The following EI24 variants were observed in gnomAD, a reference collection of about 807,000 sequenced individuals.
EI24 encodes the protein EI24 autophagy associated transmembrane protein, also known as etoposide-induced protein 2.4 homolog.
A neutral mutation model predicts 48.6 loss-of-function variants in EI24; 21 were observed. The ratio of observed to expected loss-of-function variants is 0.43; its 90% confidence interval spans 0.31 to 0.62. The LOEUF (loss-of-function observed/expected upper bound fraction) is 0.62. Ranked by LOEUF, EI24 falls within the 20% of genes least tolerant of loss-of-function variation. EI24 has a pLI of 0.10. For synonymous variants in EI24, 114 were observed against 145.5 expected (o/e 0.78, Z 1.56); for missense variants, 280 against 410.5 (o/e 0.68, Z 2.75).
At position 125,569,507 on chromosome 11, in the gene EI24, G is replaced by A. The variant is rs1938444546; in HGVS notation, c.-137G>A. On this transcript the variant is annotated 5_prime_UTR_variant, in exon 1 of 11. Coordinates refer to ENST00000278903, the MANE Select transcript of EI24 (RefSeq NM_004879.5). ...GGGCGCAGCGGCCCCGGCCCTGGAA[G>A]CGCCCCGGCGGAGCTGGCCTGCGGT... 4 of 384,172 alleles carry A rather than the reference G, an allele frequency of 1.0e-5. No homozygotes were observed. The highest frequency in any genetic ancestry group is 1.8e-5 in the Non-Finnish European group (4 of 216,822). The allele number at this position is 384,172 out of a possible 1,614,324, so 23.8% of individuals were successfully genotyped here.
At chr11:125,577,420 T>C in intron 4 of EI24, 84 bp from the exon 5 acceptor site, 2 of 1,332,182 alleles carry the variant, frequency 1.5e-6, no homozygotes, top group Non-Finnish European at 2.1e-6. Flanking sequence ...GTCACTCCCA[T>C]CTATAAAATC....
chr11:125,575,476 T>G, intron 3 of EI24, 68 bp downstream of exon 3: 3 of 1,411,894 alleles, frequency 2.1e-6, no homozygotes. Context: ...ACTTGATGTT[T>G]CAGTGCCATT....
intron 9 of EI24, among the ~76,000 whole-genome samples, chr11:125,581,568 A>T (rs2135872741): frequency 1.5e-5 from 1 of 65,058 alleles, no homozygotes; most frequent in Non-Finnish European, 2.8e-5. Flanking sequence ...TTTTTTTGAG[A>T]CAGAGTCTCA....
intron 2 of EI24, 114 bp from the exon 3 acceptor site, chr11:125,575,149 C>A: frequency 1.1e-6 from 1 of 937,946 alleles, no homozygotes; most frequent in Non-Finnish European, 1.5e-6. Flanking sequence ...ATCATTTGAA[C>A]CCAGGAGTTG....
rs1939106455 is a variant in EI24 at position 125,583,682 on chromosome 11, G to A, written c.1022G>A (p.Ter341=). Residue 341 remains the stop codon, a stop_retained_variant, in exon 11 of 11, where the codon TGA becomes TAA. Transcript: ENST00000278903. ...AAACTGAAGGCTACTGCAGGTCACT[G>A]AGTTGCCTGCCATCCAAAGGGGATG... is the stretch of plus-strand genomic sequence containing the variant. ...PAKLKATAGH[*] is the part of the protein sequence containing the mutation. The A allele has an allele frequency of 6.2e-7, 1 of 1,611,688 alleles. No individual in the cohort carries two copies. Among genetic ancestry groups the A allele is most frequent in the Admixed American group, 1.7e-5 (1 of 59,648 alleles).
intron 8 of EI24, 35 bp downstream of exon 8, chr11:125,580,239 C>T (rs1324482022): frequency 4.7e-6 from 7 of 1,486,226 alleles, no homozygotes; most frequent in African/African-American, 4.2e-5. Context: ...AAAATGGAGG[C>T]CCAGTTTGGA....
intron 5 of EI24, 109 bp from the exon 6 acceptor site, chr11:125,578,024 C>A: frequency 7.5e-7 from 1 of 1,339,424 alleles, no homozygotes; most frequent in Non-Finnish European, 1.0e-6. Context: ...CTGGCAAGAA[C>A]TAGAAAGATC....
chr11:125,578,187 C>G lies in EI24; in HGVS notation c.371C>G (p.Ser124Ter). The G allele has an allele frequency of 3.1e-6, 5 of 1,613,960 alleles. No homozygotes were observed. Among genetic ancestry groups the G allele is most frequent in the Non-Finnish European group, 4.2e-6 (5 of 1,179,896 alleles). ...TCGTGGCTGGAATTCTTCCTCACGT[C>G]AATTTTCAGTGCTCTTTGGGTGCTC... The part of the protein sequence containing the change: ...VWSWLEFFLT[S>*]IFSALWVLPL... The change falls in exon 6 of 11, where the codon TCA becomes TGA. Residue 124 changes from serine (S) to a stop codon, truncating the protein, a stop_gained. Transcript: ENST00000278903. LOFTEE classifies it high-confidence loss of function.
At chr11:125,581,077 AAATAATAATAATAAT>A (rs145007951) in intron 8 of EI24, 119 bp from the exon 9 acceptor site, 3 of 193,388 alleles carry the variant, frequency 1.6e-5, no homozygotes, top group African/African-American at 2.5e-5. Flanking sequence ...ACTCCATCTC[AAATAATAATAATAAT>A]AATAATAATA....
rs1938569352 is a variant in EI24, at chr11:125,572,514, TTGG to T, written c.-8_-6del. 1 of 1,613,568 alleles carries T rather than the reference TTGG, an allele frequency of 6.2e-7. No homozygotes were observed. On this transcript the variant is annotated 5_prime_UTR_variant, in exon 2 of 11. Transcript: ENST00000278903. ...CTCTCTCCTGTGTGTAGTTGATAGTTTGGTGGTGAAGAGATGGCTGACAGTGTC... is the reference window on the plus strand; with the variant it reads ...CTCTCTCCTGTGTGTAGTTGATAGTTTGGTGAAGAGATGGCTGACAGTGTC...
intron 1 of EI24, 64 bp from the exon 2 acceptor site, chr11:125,572,394 T>C: frequency 1.3e-6 from 1 of 774,424 alleles, no homozygotes; most frequent in Non-Finnish European, 2.2e-6. Flanking sequence ...CATGTGGAAA[T>C]GTGCATGAAG....
rs777575493 is a variant in EI24, at chr11:125,575,337, G to A, written c.117G>A (p.Glu39=). The A allele has an allele frequency of 1.9e-6, 3 of 1,577,322 alleles. No homozygotes were observed. The highest frequency in any genetic ancestry group is 2.6e-6 in the Non-Finnish European group (3 of 1,161,656). The part of the protein sequence containing the change: ...LDARIQQKRE[E]QRRRRASSVL... Reference sequence around the variant, plus strand: ...CTCGAATCCAGCAAAAGAGAGAGGAGCAGCGTCGAAGAAGGGCAAGTAGTG... The same window carrying A: ...CTCGAATCCAGCAAAAGAGAGAGGAACAGCGTCGAAGAAGGGCAAGTAGTG... Residue 39 remains glutamate, a synonymous_variant, in exon 3 of 11, where the codon GAG becomes GAA. Coordinates refer to ENST00000278903, the MANE Select transcript of EI24 (RefSeq NM_004879.5).
At chr11:125,577,825 A>G in intron 5 of EI24, 1 of 562,242 alleles carries the variant, frequency 1.8e-6, no homozygotes, top group South Asian at 2.6e-5. Context: ...TAAGAGGCAA[A>G]GCTGAGATTT....
intron 9 of EI24, among the ~76,000 whole-genome samples, 183 bp downstream of exon 9, chr11:125,581,505 C>G (rs913819895): frequency 1.2e-5 from 1 of 80,806 alleles, no homozygotes; most frequent in African/African-American, 4.6e-5. Flanking sequence ...ATCCCATATT[C>G]TTTTTCTATG....
chr11:125,576,032 C>G (rs1171651047), intron 3 of EI24: 4 of 525,082 alleles, frequency 7.6e-6, no homozygotes, highest in Non-Finnish European at 1.0e-5. Context: ...CTCAGTTGAT[C>G]GCCTACCACG....
chr11:125,570,850 C>A (rs900211693), intron 1 of EI24, among the ~76,000 whole-genome samples: 4 of 152,118 alleles, frequency 2.6e-5, no homozygotes, highest in Admixed American at 1.3e-4. Flanking sequence ...TATCACTGAG[C>A]CTTTGCTAGT....
Position 125,584,085 on chromosome 11 carries a change from A to G in EI24, c.*402A>G. On this transcript the variant is annotated 3_prime_UTR_variant, in exon 11 of 11. Transcript: ENST00000278903. Reference sequence around the variant, plus strand: ...AGCTGTTGTATTTTGTGAATTTGTTAATTTTGTTGTTTTTCTGTGAAACAC... The same window carrying G: ...AGCTGTTGTATTTTGTGAATTTGTTGATTTTGTTGTTTTTCTGTGAAACAC... 4.8e-6 allele frequency: 1 copy of G among 207,502 alleles called. No homozygotes were observed. The highest frequency in any genetic ancestry group is 1.0e-5 in the Non-Finnish European group (1 of 100,300). 12.9% of individuals were successfully genotyped at this position (207,502 alleles called of 1,614,324 possible). A position where few individuals can be genotyped will look rare whatever the true frequency, so the allele number is the denominator to read the frequency against.
At chr11:125,581,482 T>C (rs944507104) in intron 9 of EI24, among the ~76,000 whole-genome samples, 160 bp downstream of exon 9, 1 of 151,074 alleles carries the variant, frequency 6.6e-6, no homozygotes, top group Non-Finnish European at 1.5e-5. Context: ...AGATCTAGTC[T>C]GAATGTCCCT....
intron 6 of EI24, among the ~76,000 whole-genome samples, chr11:125,578,632 A>AT (rs34070211): frequency 6.6e-6 from 1 of 150,896 alleles, no homozygotes; most frequent in Non-Finnish European, 1.5e-5. Flanking sequence ...TGCCTGGCTA[A>AT]TTTTTTTTGT....
Sources: allele counts gnomAD v4.1 joint callset (sites outside exome capture counted in the v4.1 genomes callset), GRCh38; gene constraint gnomAD v4.1.1; transcripts MANE v1.5; gene names NCBI Gene and HGNC (gene_info 2026-07-23, HGNC 2026-07-21).